Variants in KIF6 observed in about 807,000 individuals in gnomAD.
The protein encoded by KIF6 is kinesin family member 6, also known as kinesin-like protein KIF6.
A neutral mutation model predicts 112.7 loss-of-function variants in KIF6; 106 were observed. The ratio of observed to expected loss-of-function variants is 0.94; its 90% CI spans 0.80 to 1.11. The LOEUF is 1.11. Among genes scored for constraint, KIF6 ranks in the 50% least tolerant of loss-of-function variants. KIF6 has a pLI of 0.00. For synonymous variants in KIF6, 339 were observed against 339.9 expected (o/e 1.00, Z 0.03); for missense variants, 929 against 964.0 (o/e 0.96, Z 0.48).
At chr6:39,619,733 T>C (rs1783713067) in intron 5 of KIF6, among the ~76,000 whole-genome samples, 1 of 152,224 alleles carries the variant, frequency 6.6e-6, no homozygotes, top group Non-Finnish European at 1.5e-5. Context: ...GCAATTAATG[T>C]GTAGGAGAAC....
intron 6 of KIF6, among the ~76,000 whole-genome samples, chr6:39,596,874 G>A (rs2150687233): frequency 6.6e-6 from 1 of 152,272 alleles, no homozygotes; most frequent in South Asian, 2.1e-4. Context: ...AAAAAGTTTA[G>A]CATGGTTGCT....
chr6:39,385,720 G>C, intron 15 of KIF6, 48 bp from the exon 16 acceptor site: 1 of 1,232,004 alleles, frequency 8.1e-7, no homozygotes, highest in Non-Finnish European at 1.2e-6. Context: ...CAATGGGCTG[G>C]AGGAAGACTG....
At chr6:39,455,420 A>T (rs991757097) in intron 13 of KIF6, among the ~76,000 whole-genome samples, 2 of 151,848 alleles carry the variant, frequency 1.3e-5, no homozygotes, top group Non-Finnish European at 2.9e-5. Flanking sequence ...AAGATGGGGA[A>T]AAAACAGAAC....
rs1416571468 is a variant in KIF6 at position 39,363,610 on chromosome 6, C to T, written c.1862-1092G>A. 2.6e-5 allele frequency among the ~76,000 whole-genome samples: 4 copies of T among 152,164 alleles called. 1 individual carries two copies. Among genetic ancestry groups the T allele is most frequent in the Admixed American group, 2.6e-4 (4 of 15,286 alleles). On this transcript the variant is annotated intron_variant, in intron 16 of 22. Coordinates refer to ENST00000287152, the MANE Select transcript of KIF6 (RefSeq NM_145027.6). ...TTCGTGGTTGCCCTGCTTTTCTGAGCTCCACAGACAACATCCTAGAAGTCG... is the reference window on the plus strand; with the variant it reads ...TTCGTGGTTGCCCTGCTTTTCTGAGTTCCACAGACAACATCCTAGAAGTCG...
At chr6:39,356,776 G>C (rs1764723680) in intron 19 of KIF6, among the ~76,000 whole-genome samples, 1 of 152,122 alleles carries the variant, frequency 6.6e-6, no homozygotes, top group Admixed American at 6.5e-5. Flanking sequence ...ACATGGTTGT[G>C]GGGAAGTAGA....
intron 13 of KIF6, among the ~76,000 whole-genome samples, chr6:39,483,143 G>C (rs1250022570): frequency 6.6e-6 from 1 of 152,176 alleles, no homozygotes; most frequent in Non-Finnish European, 1.5e-5. Flanking sequence ...AAAATATTCA[G>C]CCGATTTGAG....
At chr6:39,586,228 G>C (rs2150662658) in intron 8 of KIF6, 33 bp downstream of exon 8, 3 of 1,612,340 alleles carry the variant, frequency 1.9e-6, no homozygotes, top group African/African-American at 2.7e-5. Context: ...TAAAAACCTA[G>C]ATTAAGATCT....
At chr6:39,555,134 C>A (rs1402537970) in intron 10 of KIF6, among the ~76,000 whole-genome samples, 2 of 152,114 alleles carry the variant, frequency 1.3e-5, no homozygotes, top group Admixed American at 1.3e-4. Flanking sequence ...TCTTAGAGAT[C>A]AGGGGAAAGC....
chr6:39,693,490 A>C (rs1334576331), intron 3 of KIF6, among the ~76,000 whole-genome samples: 1 of 152,174 alleles, frequency 6.6e-6, no homozygotes, highest in Non-Finnish European at 1.5e-5. Flanking sequence ...GGTGTGTGTA[A>C]CTGTCAATAA....
intron 13 of KIF6, among the ~76,000 whole-genome samples, chr6:39,489,244 A>C (rs1461969574): frequency 2.0e-5 from 3 of 152,044 alleles, no homozygotes; most frequent in African/African-American, 7.2e-5. Flanking sequence ...TCCTTTTTGA[A>C]GCTCAGTTTT....
chr6:39,669,740 CGGCACCTTT>C (rs1241291022), intron 3 of KIF6, among the ~76,000 whole-genome samples: 2 of 152,294 alleles, frequency 1.3e-5, no homozygotes, highest in East Asian at 3.9e-4. Context: ...ACGAGGTGGG[CGGCACCTTT>C]GGTGATGCAG....
intron 13 of KIF6, among the ~76,000 whole-genome samples, chr6:39,483,652 G>A (rs1448300423): frequency 3.3e-5 from 5 of 152,168 alleles, no homozygotes; most frequent in Non-Finnish European, 7.3e-5. Flanking sequence ...GACCCTAACA[G>A]TAAAGGTCCA....
At chr6:39,373,850 T>A (rs1766225219) in intron 16 of KIF6, among the ~76,000 whole-genome samples, 1 of 152,212 alleles carries the variant, frequency 6.6e-6, no homozygotes. Context: ...AACTCCAATG[T>A]TATTTTTTTA....
At chr6:39,402,112 C>A (rs146149800) in intron 15 of KIF6, among the ~76,000 whole-genome samples, 1 of 152,268 alleles carries the variant, frequency 6.6e-6, no homozygotes, top group East Asian at 1.9e-4. Flanking sequence ...CTACTCTTTC[C>A]TCACTTGCTG....
At chr6:39,464,708 G>A (rs146496145) in intron 13 of KIF6, among the ~76,000 whole-genome samples, 38 of 152,306 alleles carry the variant, frequency 2.5e-4, no homozygotes, top group Middle Eastern at 6.8e-3. Context: ...GCACCACTGA[G>A]TGGAGCAGGA....
At chr6:39,704,724 C>T (rs1057193227) in intron 3 of KIF6, among the ~76,000 whole-genome samples, 14 of 152,178 alleles carry the variant, frequency 9.2e-5, no homozygotes, top group Admixed American at 1.3e-4. Context: ...TTATATGGCT[C>T]CAAAGTCCCT....
chr6:39,551,610 A>G (rs1233541176), intron 10 of KIF6, among the ~76,000 whole-genome samples: 1 of 152,184 alleles, frequency 6.6e-6, no homozygotes, highest in Non-Finnish European at 1.5e-5. Context: ...TGTCCTATAA[A>G]TATGTACAAC....
At chr6:39,450,562 T>TG (rs1479460806) in intron 13 of KIF6, among the ~76,000 whole-genome samples, 4 of 152,158 alleles carry the variant, frequency 2.6e-5, no homozygotes, top group African/African-American at 9.7e-5. Flanking sequence ...CCCAGCACTT[T>TG]GGGAGGCTGA....
chr6:39,390,786 G>A (rs1304508746), intron 15 of KIF6, among the ~76,000 whole-genome samples: 1 of 152,194 alleles, frequency 6.6e-6, no homozygotes, highest in Non-Finnish European at 1.5e-5. Flanking sequence ...GGAAGGTCTA[G>A]TTAGAGGCTC....
Sources: allele counts gnomAD v4.1 joint callset (sites outside exome capture counted in the v4.1 genomes callset), GRCh38; gene constraint gnomAD v4.1.1; transcripts MANE v1.5; gene names NCBI Gene and HGNC (gene_info 2026-07-23, HGNC 2026-07-21).